The following PPP1R12B variants were observed in gnomAD, a reference collection of about 807,000 sequenced individuals.
PPP1R12B encodes the protein protein phosphatase 1 regulatory subunit 12B, also known as myosin phosphatase target subunit 2.
A neutral mutation model predicts 126.1 loss-of-function variants in PPP1R12B; 76 were observed. That is an observed-to-expected ratio of 0.60 (90% CI 0.50 to 0.73). The LOEUF (loss-of-function observed/expected upper bound fraction) is 0.73, where lower values mean the gene tolerates loss of function less well. Among genes scored for constraint, PPP1R12B ranks in the 30% least tolerant of loss-of-function variants. PPP1R12B has a pLI of 0.00. For missense variants in PPP1R12B, 1,052 were observed against 1,205.1 expected, an observed-to-expected ratio of 0.87 and a Z score of 1.88; for synonymous variants, 356 against 434.7, an observed-to-expected ratio of 0.82 and a Z score of 2.25.
intron 1 of PPP1R12B, among the ~76,000 whole-genome samples, chr1:202,416,326 A>C (rs1380950616): frequency 6.6e-6 from 1 of 152,122 alleles, no homozygotes; most frequent in African/African-American, 2.4e-5. Flanking sequence ...CGGGAGTTCG[A>C]GACAAGCCTG....
rs1233861971 is a variant in PPP1R12B at position 202,366,880 on chromosome 1, C to A, written c.291+17738C>A. 5.9e-5 allele frequency among the ~76,000 whole-genome samples: 9 copies of A among 152,078 alleles called. No homozygotes were observed. In the East Asian group the frequency reaches 1.7e-3, roughly 29 times the overall value. On this transcript the variant is annotated intron_variant, in intron 1 of 23. Transcript: ENST00000608999. The stretch of plus-strand genomic sequence containing the variant: ...GACTAAAATGATTCAACAGGAAGAT[C>A]AAGAGAAGGGGCTATTTCATGGAGT...
intron 12 of PPP1R12B, 113 bp downstream of exon 12, chr1:202,442,685 AATTACT>A (rs1311650890): frequency 8.6e-7 from 1 of 1,164,474 alleles, no homozygotes; most frequent in African/African-American, 1.6e-5. Context: ...AATCAAAATG[AATTACT>A]TTCAGGTTTC....
In PPP1R12B at chr1:202,584,766, A is replaced by AAAGCAGAAAGGATTCAGCATTT. The variant is rs1689723148; in HGVS notation, c.*4217_*4238dup. The AAAGCAGAAAGGATTCAGCATTT allele has an allele frequency of 6.6e-6, 1 of 152,192 alleles. No individual in the cohort carries two copies. The highest frequency in any genetic ancestry group is 2.4e-5 in the African/African-American group (1 of 41,464). The allele number at this position is 152,192 out of a possible 1,614,324, so 9.4% of individuals were successfully genotyped here. A position where few individuals can be genotyped will look rare whatever the true frequency, so the allele number is the denominator to read the frequency against. ...CTCCAAAGGTGCAAAAAGGAAAAAGAAAGCAGAAAGGATTCAGCATTTAAG... is the reference window on the plus strand; with the variant it reads ...CTCCAAAGGTGCAAAAAGGAAAAAGAAAGCAGAAAGGATTCAGCATTTAAGCAGAAAGGATTCAGCATTTAAG... On this transcript the variant is annotated 3_prime_UTR_variant, in exon 24 of 24. Transcript: ENST00000608999.
At chr1:202,357,151 C>T (rs1657263983) in intron 1 of PPP1R12B, among the ~76,000 whole-genome samples, 1 of 152,160 alleles carries the variant, frequency 6.6e-6, no homozygotes, top group South Asian at 2.1e-4. Context: ...ATTCAGACTT[C>T]TGACCTCCAG....
chr1:202,407,455 C>G (rs1666786512), intron 1 of PPP1R12B, among the ~76,000 whole-genome samples: 2 of 152,172 alleles, frequency 1.3e-5, no homozygotes, highest in African/African-American at 4.8e-5. Context: ...TCTCGGCTGT[C>G]TCTCTTGAAA....
At chr1:202,574,167 CAAAAA>C (rs11320060) in intron 23 of PPP1R12B, among the ~76,000 whole-genome samples, 1 of 122,338 alleles carries the variant, frequency 8.2e-6, no homozygotes. Context: ...ACATGCCCCA[CAAAAA>C]AAAAAAAAAA....
chr1:202,481,830 CT>C (rs1360600603), intron 13 of PPP1R12B, among the ~76,000 whole-genome samples: 9 of 152,126 alleles, frequency 5.9e-5, no homozygotes, highest in African/African-American at 1.9e-4. Context: ...TTTATTCCCC[CT>C]GTCTAATTAT....
At chr1:202,573,026 A>G (rs1040784560) in intron 23 of PPP1R12B, among the ~76,000 whole-genome samples, 10 of 152,172 alleles carry the variant, frequency 6.6e-5, no homozygotes, top group Non-Finnish European at 2.9e-5. Flanking sequence ...TCATGTCTTT[A>G]ATGTTATTCC....
chr1:202,457,761 T>C (rs1673823654), intron 13 of PPP1R12B, among the ~76,000 whole-genome samples: 1 of 152,114 alleles, frequency 6.6e-6, no homozygotes, highest in African/African-American at 2.4e-5. Flanking sequence ...AGGAGGTAAC[T>C]GGAGTTGAAT....
intron 18 of PPP1R12B, among the ~76,000 whole-genome samples, chr1:202,513,140 A>T (rs1236491034): frequency 2.6e-5 from 4 of 152,026 alleles, no homozygotes; most frequent in Non-Finnish European, 5.9e-5. Context: ...TCCTTGGCTA[A>T]ATTTTGTATT....
chr1:202,438,781 G>C, intron 10 of PPP1R12B: 3 of 755,548 alleles, frequency 4.0e-6, no homozygotes, highest in Non-Finnish European at 4.8e-6. Flanking sequence ...TTGAACAACT[G>C]TGACGTCATC....
chr1:202,377,830 G>GGGTT (rs1661444932), intron 1 of PPP1R12B, among the ~76,000 whole-genome samples: 2 of 99,300 alleles, frequency 2.0e-5, no homozygotes, highest in African/African-American at 9.1e-5. Flanking sequence ...TCAAAGACAG[G>GGGTT]TGTTTTTTTT....
At chr1:202,480,285 G>A (rs1677181271) in intron 13 of PPP1R12B, among the ~76,000 whole-genome samples, 1 of 152,160 alleles carries the variant, frequency 6.6e-6, no homozygotes, top group Admixed American at 6.5e-5. Context: ...AATGATTAGT[G>A]AACTGAAAGA....
intron 18 of PPP1R12B, among the ~76,000 whole-genome samples, chr1:202,528,731 T>C (rs1408566837): frequency 2.6e-5 from 4 of 151,532 alleles, no homozygotes; most frequent in Non-Finnish European, 4.4e-5. Flanking sequence ...AAGGTTTTTT[T>C]TTTGTTTTTG....
At chr1:202,407,829 G>T (rs1666826912) in intron 1 of PPP1R12B, among the ~76,000 whole-genome samples, 1 of 151,828 alleles carries the variant, frequency 6.6e-6, no homozygotes, top group Non-Finnish European at 1.5e-5. Flanking sequence ...TGTACTACTG[G>T]CTCTCCATAT....
rs1689887774 is a variant in PPP1R12B, at chr1:202,587,500, G to T, written c.*6940G>T. On this transcript the variant is annotated 3_prime_UTR_variant, in exon 24 of 24. Transcript: ENST00000608999. The stretch of plus-strand genomic sequence containing the variant: ...CCATGTCTGGTTTACTCTTTATCCT[G>T]AGACTGTTTATAGCTTAAAACAGAA... 9.6e-6 allele frequency: 1 copy of T among 104,534 alleles called. No individual in the cohort carries two copies. The highest frequency in any genetic ancestry group is 1.3e-4 in the Admixed American group (1 of 7,848). 6.5% of individuals were successfully genotyped at this position (104,534 alleles called of 1,614,324 possible).
At chr1:202,553,172 G>C (rs1686495804) in intron 18 of PPP1R12B, among the ~76,000 whole-genome samples, 1 of 152,198 alleles carries the variant, frequency 6.6e-6, no homozygotes, top group Non-Finnish European at 1.5e-5. Context: ...TTAAAACTAT[G>C]GTCTATCCAG....
rs183221550 is a variant in PPP1R12B at position 202,496,750 on chromosome 1, C to T, written c.2449-31C>T. ...TTTCAAGGATGTCTGTGACAATGAG[C>T]CTCTTGATTTTCTTCCCTTTTCTTT... On this transcript the variant is annotated intron_variant, in intron 17 of 23. Transcript: ENST00000608999. 4,206 of 1,593,170 alleles carry T rather than the reference C, an allele frequency of 2.6e-3. 12 individuals carry two copies. The highest frequency in any genetic ancestry group is 3.1e-3 in the Non-Finnish European group (3,644 of 1,161,670).
At chr1:202,387,040 G>C (rs1663265016) in intron 1 of PPP1R12B, among the ~76,000 whole-genome samples, 1 of 152,168 alleles carries the variant, frequency 6.6e-6, no homozygotes, top group African/African-American at 2.4e-5. Flanking sequence ...TGCAACTATT[G>C]ATGTTTATAT....
Sources: gnomAD v4.1 joint callset for allele counts (sites outside exome capture counted in the v4.1 genomes callset) on GRCh38, gnomAD v4.1.1 for gene constraint, MANE v1.5 for transcripts, NCBI Gene and HGNC (gene_info 2026-07-23, HGNC 2026-07-21) for gene names.